REXO1: variants seen among roughly 807,000 people sequenced by gnomAD.
The protein encoded by REXO1 is REX1, RNA exonuclease 1 homolog.
REXO1 carries 42 observed loss-of-function variants against 102.6 expected under a neutral mutation model. The ratio of observed to expected loss-of-function variants is 0.41; its 90% CI spans 0.32 to 0.53. The LOEUF is 0.53. REXO1 is among the 20% of genes least tolerant of loss of function. REXO1 has a pLI of 0.27. For synonymous variants in REXO1, 908 were observed against 779.1 expected (o/e 1.17, Z -2.76); for missense variants, 1,819 against 1,732.5 (o/e 1.05, Z -0.89).
chr19:1,846,550 C>A (rs2011550020), intron 1 of REXO1, among the ~76,000 whole-genome samples: 1 of 152,186 alleles, frequency 6.6e-6, no homozygotes, highest in African/African-American at 2.4e-5. Context: ...CAAAAATAAG[C>A]CTTTGGGAAA....
chr19:1,824,572 G>A (rs929579615), intron 3 of REXO1: 3 of 152,136 alleles, frequency 2.0e-5, no homozygotes, highest in South Asian at 2.1e-4. Flanking sequence ...GGAGTTTGAG[G>A]CACTAAAAAA....
chr19:1,815,883 G>A lies in REXO1; in HGVS notation c.*183C>T. On this transcript the variant is annotated 3_prime_UTR_variant, in exon 16 of 16. Coordinates refer to ENST00000170168, the MANE Select transcript of REXO1 (RefSeq NM_020695.4). The surrounding 1 kb of genome is among the most constrained non-coding windows in gnomAD (Gnocchi z 4.0). Reference sequence around the variant, plus strand: ...AGAGGGTGGGGACCGGCGGAGGGGTGCGGCAGGACGTGAGCGGGGGTGGGC... The same window carrying A: ...AGAGGGTGGGGACCGGCGGAGGGGTACGGCAGGACGTGAGCGGGGGTGGGC... 2.6e-6 allele frequency: 4 copies of A among 1,527,148 alleles called. No individual in the cohort carries two copies. The highest frequency in any genetic ancestry group is 3.5e-6 in the Non-Finnish European group (4 of 1,141,220). 94.6% of individuals were successfully genotyped at this position (1,527,148 alleles called of 1,614,324 possible).
chr19:1,827,208 C>T lies in REXO1; in HGVS notation c.1581G>A (p.Glu527=), dbSNP rs1306637644. The T allele has an allele frequency of 1.2e-5, 18 of 1,541,360 alleles. No individual in the cohort carries two copies. The East Asian group carries it at 4.4e-4, about 38-fold the overall frequency. Residue 527 remains glutamate (E), a synonymous_variant, in exon 2 of 16, where the codon GAG becomes GAA. Coordinates refer to ENST00000170168, the MANE Select transcript of REXO1 (RefSeq NM_020695.4). ...SHADLFGDES[E]DEAAGPGVPS... is the part of the protein sequence containing the mutation. The stretch of plus-strand genomic sequence containing the variant: ...GCACCCCTGGCCCTGCGGCCTCGTC[C>T]TCACTCTCGTCCCCAAAGAGGTCGG...
In REXO1 at chr19:1,816,817, C is replaced by A; in HGVS notation, c.3202-4G>T. 5.0e-6 allele frequency: 8 copies of A among 1,606,678 alleles called. No homozygotes were observed. Among genetic ancestry groups the A allele is most frequent in the Non-Finnish European group, 6.8e-6 (8 of 1,174,672 alleles). The stretch of plus-strand genomic sequence containing the variant: ...CCAGGCCATATGTGGTGTAGGACTG[C>A]GGGCAAGGGATGCACCTCAGATGTG... On this transcript the variant is annotated splice_polypyrimidine_tract_variant and splice_region_variant and intron_variant, in intron 12 of 15. Coordinates refer to ENST00000170168, the MANE Select transcript of REXO1 (RefSeq NM_020695.4).
At chr19:1,823,537 G>GC (rs2069613077) in intron 4 of REXO1, 35 bp downstream of exon 4, 7 of 1,270,222 alleles carry the variant, frequency 5.5e-6, no homozygotes, top group Admixed American at 4.2e-5. Flanking sequence ...CATGCCCACG[G>GC]CCCCCCGGCA....
intron 1 of REXO1, among the ~76,000 whole-genome samples, chr19:1,834,667 C>T (rs1407107782): frequency 1.3e-5 from 2 of 152,186 alleles, no homozygotes; most frequent in African/African-American, 2.4e-5. Context: ...GTCTTCTCGC[C>T]TCGGCCTCCC....
At chr19:1,847,003 G>T (rs561739928) in intron 1 of REXO1, among the ~76,000 whole-genome samples, 2 of 152,226 alleles carry the variant, frequency 1.3e-5, no homozygotes, top group East Asian at 3.9e-4. Flanking sequence ...AGCCGGCTGC[G>T]TGCTCCCAGG....
chr19:1,846,225 A>C (rs528588500), intron 1 of REXO1, among the ~76,000 whole-genome samples: 1 of 152,204 alleles, frequency 6.6e-6, no homozygotes, highest in Non-Finnish European at 1.5e-5. Context: ...GGTGTGTGTA[A>C]ATCTGGAGGT....
In REXO1 at chr19:1,818,490, C is replaced by T. The variant is rs145711847; in HGVS notation, c.3008G>A (p.Arg1003Gln). ...ECYYHWGRLR[R>Q]NRVAGGWETQ... ...CCCGGGTAAGGCCTTACCCCGGTTC[C>T]GGCGCAGCCGTCCCCAGTGGTAATA... is the stretch of plus-strand genomic sequence containing the variant. Residue 1003 changes from arginine to glutamine, a missense_variant, in exon 10 of 16, where the codon CGG becomes CAG. Arg to Gln is a conservative substitution (Grantham distance 43). Coordinates refer to ENST00000170168, the MANE Select transcript of REXO1 (RefSeq NM_020695.4). 2.5e-4 allele frequency: 401 copies of T among 1,601,520 alleles called. No homozygotes were observed. Among genetic ancestry groups the T allele is most frequent in the Non-Finnish European group, 3.2e-4 (372 of 1,175,330 alleles).
intron 3 of REXO1, among the ~76,000 whole-genome samples, chr19:1,824,910 C>T (rs199892195): frequency 2.0e-5 from 3 of 152,012 alleles, no homozygotes; most frequent in Admixed American, 6.5e-5. Flanking sequence ...CTCAGCCTCC[C>T]GAGTAGCTGG....
intron 5 of REXO1, 85 bp downstream of exon 5, chr19:1,821,434 G>T: frequency 6.5e-7 from 1 of 1,537,294 alleles, no homozygotes; most frequent in Non-Finnish European, 9.0e-7. Context: ...GCAGGGGCGA[G>T]GCTGGCCCTC....
chr19:1,818,380 A>G, intron 10 of REXO1, 102 bp downstream of exon 10: 1 of 842,870 alleles, frequency 1.2e-6, no homozygotes, highest in Non-Finnish European at 1.9e-6. Flanking sequence ...AGTGGGATGG[A>G]GGGCCTGGGT....
chr19:1,827,227 A>G lies in REXO1; in HGVS notation c.1562T>C (p.Leu521Pro). 6.5e-7 allele frequency: 1 copy of G among 1,545,620 alleles called. No homozygotes were observed. The highest frequency in any genetic ancestry group is 1.4e-5 in the African/African-American group (1 of 73,324). Reference protein sequence around the residue: ...LKKRALSHADLFGDESEDEAA... With the variant: ...LKKRALSHADPFGDESEDEAA... ...CTCGTCCTCACTCTCGTCCCCAAAG[A>G]GGTCGGCGTGGCTCAGGGCCCGCTT... Residue 521 changes from leucine (L) to proline (P), a missense_variant, in exon 2 of 16, where the codon CTC (leucine) becomes CCC (proline). Transcript: ENST00000170168.
chr19:1,824,659 T>A (rs2069654626), intron 3 of REXO1: 2 of 152,186 alleles, frequency 1.3e-5, no homozygotes, highest in Admixed American at 1.3e-4. Flanking sequence ...ATGTTAAGCA[T>A]CAAATTTATG....
chr19:1,827,981 G>A lies in REXO1; in HGVS notation c.808C>T (p.Pro270Ser). The change falls in exon 2 of 16, where the codon CCT (proline) becomes TCT (serine). Residue 270 changes from proline to serine, a missense_variant. Physicochemically the swap from Pro to Ser is moderately conservative, Grantham distance 74 (BLOSUM62 -1). Coordinates refer to ENST00000170168, the MANE Select transcript of REXO1 (RefSeq NM_020695.4). ...GGGTCACAGAGCTTCTTGGGAGCAGGTGTGTAGGGCTCACTGCCGCGGGAG... is the reference window on the plus strand; with the variant it reads ...GGGTCACAGAGCTTCTTGGGAGCAGATGTGTAGGGCTCACTGCCGCGGGAG... ...RGSRGSEPYT[P>S]APKKLCDPFG... is the part of the protein sequence containing the mutation. 1.2e-6 allele frequency: 2 copies of A among 1,613,560 alleles called. No individual in the cohort carries two copies. Among genetic ancestry groups the A allele is most frequent in the South Asian group, 1.1e-5 (1 of 91,076 alleles).
rs1228065656 is a variant in REXO1 at position 1,827,996 on chromosome 19, T to C, written c.793A>G (p.Ser265Gly). 3.7e-6 allele frequency: 6 copies of C among 1,613,148 alleles called. No homozygotes were observed. The highest frequency in any genetic ancestry group is 4.2e-6 in the Non-Finnish European group (5 of 1,179,778). The change falls in exon 2 of 16, where the codon AGT becomes GGT. Residue 265 changes from serine to glycine, a missense_variant. Ser to Gly is a moderately conservative substitution (Grantham distance 56). Coordinates refer to ENST00000170168, the MANE Select transcript of REXO1 (RefSeq NM_020695.4). ...TTGGGAGCAGGTGTGTAGGGCTCACTGCCGCGGGAGCCCCGGGGCCGCTTG... is the reference window on the plus strand; with the variant it reads ...TTGGGAGCAGGTGTGTAGGGCTCACCGCCGCGGGAGCCCCGGGGCCGCTTG... ...AAKRPRGSRG[S>G]EPYTPAPKKL... is the part of the protein sequence containing the mutation.
intron 1 of REXO1, among the ~76,000 whole-genome samples, chr19:1,836,140 T>G (rs1048557278): frequency 2.6e-5 from 4 of 152,068 alleles, no homozygotes; most frequent in African/African-American, 9.7e-5. Context: ...CTGCTCCCAC[T>G]GCCCCCGCCC....
At position 1,848,301 on chromosome 19, in the gene REXO1, G is replaced by A; in HGVS notation, c.58C>T (p.Pro20Ser). ...AIDCPYWSGA[P>S]GGPCRRPYCH... ...TAGGGCCGCCGGCAGGGCCCCCCGG[G>A]CGCCCCAGACCAATAGGGGCAGTCA... The change falls in exon 1 of 16, where the codon CCC (proline) becomes TCC (serine). Residue 20 changes from proline to serine, a missense_variant. Pro to Ser is a moderately conservative substitution (Grantham distance 74, BLOSUM62 -1). Coordinates refer to ENST00000170168, the MANE Select transcript of REXO1 (RefSeq NM_020695.4). The A allele has an allele frequency of 8.1e-7, 1 of 1,231,852 alleles. No homozygotes were observed. The allele number at this position is 1,231,852 out of a possible 1,614,324, so 76.3% of individuals were successfully genotyped here. A position where few individuals can be genotyped will look rare whatever the true frequency, so the allele number is the denominator to read the frequency against.
intron 1 of REXO1, among the ~76,000 whole-genome samples, chr19:1,843,929 A>T (rs1209885757): frequency 6.6e-6 from 1 of 152,250 alleles, no homozygotes; most frequent in Non-Finnish European, 1.5e-5. Context: ...CATCCTCTGC[A>T]GCGAGGCGCC....
Sources: allele counts gnomAD v4.1 joint callset (sites outside exome capture counted in the v4.1 genomes callset), GRCh38; gene constraint gnomAD v4.1.1; non-coding constraint Gnocchi (gnomAD v3.1); transcripts MANE v1.5; gene names NCBI Gene and HGNC (gene_info 2026-07-23, HGNC 2026-07-21).